HELZ: variants seen among roughly 807,000 people sequenced by gnomAD.
HELZ encodes the protein helicase with zinc finger, also known as ATP-dependent RNA helicase with zinc finger domain.
A neutral mutation model predicts 218.2 loss-of-function variants in HELZ; 23 were observed. The observed-to-expected ratio is 0.11, with a 90% CI of 0.08 to 0.15. The LOEUF is 0.15. Ranked by LOEUF, HELZ falls within the 10% of genes least tolerant of loss-of-function variation. HELZ has a pLI of 1.00. For missense variants in HELZ, 1,813 were observed against 2,353.7 expected, an observed-to-expected ratio of 0.77 and a Z score of 4.75; for synonymous variants, 814 against 829.4, an observed-to-expected ratio of 0.98 and a Z score of 0.32.
At chr17:67,221,844 T>G (rs55680279) in intron 3 of HELZ, among the ~76,000 whole-genome samples, 5,525 of 138,018 alleles carry the variant, frequency 0.04, 330 homozygotes, top group African/African-American at 0.14. Context: ...TTTTTTGTGT[T>G]TTTTTTTTTT....
intron 17 of HELZ, among the ~76,000 whole-genome samples, chr17:67,152,913 C>T (rs2038731565): frequency 6.6e-6 from 1 of 151,878 alleles, no homozygotes; most frequent in Non-Finnish European, 1.5e-5. Flanking sequence ...CAAAATGAAG[C>T]AAGTGTTTCA....
At chr17:67,163,459 C>T (rs962123666) in intron 15 of HELZ, among the ~76,000 whole-genome samples, 8 of 151,928 alleles carry the variant, frequency 5.3e-5, no homozygotes, top group Non-Finnish European at 8.8e-5. Context: ...AGTGCAGTGG[C>T]GCGATCTCGG....
chr17:67,109,290 G>A lies in HELZ; in HGVS notation c.4315C>T (p.Arg1439Trp), dbSNP rs769150485. The A allele has an allele frequency of 1.5e-5, 24 of 1,614,004 alleles. No homozygotes were observed. Among genetic ancestry groups the A allele is most frequent in the African/African-American group, 2.7e-5 (2 of 74,902 alleles). Reference protein sequence around the residue: ...NAFFNSAVAHRPQSPPAEAVI... With the variant: ...NAFFNSAVAHWPQSPPAEAVI... The stretch of plus-strand genomic sequence containing the variant: ...GCTTCTGCAGGAGGAGACTGTGGCC[G>A]ATGAGCAACTGCACTATTAAAAAAA... The change falls in exon 29 of 33, where the codon CGG (arginine) becomes TGG (tryptophan). Residue 1439 changes from arginine (R) to tryptophan (W), a missense_variant. This residue lies in a region of HELZ where 938 missense variants were observed against 1,027.5 expected (regional missense o/e 0.91). Coordinates refer to ENST00000358691, the MANE Select transcript of HELZ (RefSeq NM_014877.4).
chr17:67,141,434 T>A (rs1237205146), intron 21 of HELZ, among the ~76,000 whole-genome samples: 1 of 151,626 alleles, frequency 6.6e-6, no homozygotes, highest in Non-Finnish European at 1.5e-5. Context: ...AACATAAAAT[T>A]ATATAAAGTA....
At chr17:67,135,854 A>G in intron 23 of HELZ, 116 bp downstream of exon 23, 2 of 749,908 alleles carry the variant, frequency 2.7e-6, no homozygotes. Flanking sequence ...ACTGGATATC[A>G]GGCTACAATA....
chr17:67,167,394 C>T, intron 14 of HELZ, 69 bp downstream of exon 14: 1 of 1,185,016 alleles, frequency 8.4e-7, no homozygotes, highest in African/African-American at 1.5e-5. Context: ...AAAACTAAAC[C>T]AGAGGAAGAC....
At chr17:67,215,258 A>T (rs1390434468) in intron 5 of HELZ, among the ~76,000 whole-genome samples, 1 of 152,090 alleles carries the variant, frequency 6.6e-6, no homozygotes, top group Non-Finnish European at 1.5e-5. Context: ...GGACAGGCCC[A>T]TCCTTTCAAT....
chr17:67,182,965 A>G (rs748804965), intron 12 of HELZ, among the ~76,000 whole-genome samples: 4 of 152,224 alleles, frequency 2.6e-5, no homozygotes, highest in Non-Finnish European at 5.9e-5. Context: ...CGAGTGTTCT[A>G]AGTACCCAGC....
Position 67,078,366 on chromosome 17 carries a change from C to G in HELZ, c.5715G>C (p.Lys1905Asn). The G allele has an allele frequency of 6.2e-7, 1 of 1,612,196 alleles. No homozygotes were observed. The highest frequency in any genetic ancestry group is 8.5e-7 in the Non-Finnish European group (1 of 1,179,424). Residue 1905 changes from lysine to asparagine, a missense_variant, in exon 33 of 33, where the codon AAG becomes AAC. This residue lies in a region of HELZ where 938 missense variants were observed against 1,027.5 expected (regional missense o/e 0.91). Transcript: ENST00000358691. ...TGGCCTGCTCAGGAGGGGGCCTGGG[C>G]TTTGGAGGGGCCCGCAGAGCGCTGG... is the stretch of plus-strand genomic sequence containing the variant. The part of the protein sequence containing the change: ...SYASALRAPP[K>N]PRPPPEQAKK...
chr17:67,169,286 G>A (rs1295310438), intron 13 of HELZ, among the ~76,000 whole-genome samples: 1 of 152,100 alleles, frequency 6.6e-6, no homozygotes, highest in Non-Finnish European at 1.5e-5. Context: ...CCTGAGACTG[G>A]ATAATTTATA....
chr17:67,188,128 C>T lies in HELZ; in HGVS notation c.1162+191G>A, dbSNP rs2039806095. 7.5e-6 allele frequency: 4 copies of T among 529,866 alleles called. No individual in the cohort carries two copies. The highest frequency in any genetic ancestry group is 1.3e-5 in the Non-Finnish European group (4 of 306,812). 32.8% of individuals were successfully genotyped at this position (529,866 alleles called of 1,614,324 possible). ...TCAAAGTTCAAGCTTTACCTGGTGGCTCTGTGAAGAAATCAGGGCACAGTG... is the reference window on the plus strand; with the variant it reads ...TCAAAGTTCAAGCTTTACCTGGTGGTTCTGTGAAGAAATCAGGGCACAGTG... On this transcript the variant is annotated intron_variant, in intron 12 of 32. Coordinates refer to ENST00000358691, the MANE Select transcript of HELZ (RefSeq NM_014877.4). This position sits in a 1 kb window ranked among gnomAD's most constrained non-coding sequence, Gnocchi z 4.1.
At chr17:67,202,018 T>G (rs2040181927) in intron 6 of HELZ, among the ~76,000 whole-genome samples, 1 of 152,078 alleles carries the variant, frequency 6.6e-6, no homozygotes, top group Non-Finnish European at 1.5e-5. Flanking sequence ...TTCCCTAACT[T>G]CTTTTTTTTT....
intron 26 of HELZ, among the ~76,000 whole-genome samples, chr17:67,122,146 T>C (rs1371637172): frequency 6.6e-6 from 1 of 152,220 alleles, no homozygotes; most frequent in African/African-American, 2.4e-5. Context: ...CTCATGCCTG[T>C]AATCCCAGTG....
At position 67,190,603 on chromosome 17, in the gene HELZ, G is replaced by A. The variant is rs1450404124; in HGVS notation, c.558-248C>T. Among the ~76,000 whole-genome samples the A allele has an allele frequency of 5.9e-5, 9 of 152,290 alleles. No homozygotes were observed. In the East Asian group the frequency reaches 1.7e-3, roughly 29 times the overall value. On this transcript the variant is annotated intron_variant, in intron 9 of 32. Coordinates refer to ENST00000358691, the MANE Select transcript of HELZ (RefSeq NM_014877.4). ...TGGAATTAGGGGATCCTAAGGCATA[G>A]GTATTCACGTCGGCCCTCCAAAAGA...
At chr17:67,143,999 C>T (rs1266123902) in intron 21 of HELZ, among the ~76,000 whole-genome samples, 1 of 152,094 alleles carries the variant, frequency 6.6e-6, no homozygotes, top group Non-Finnish European at 1.5e-5. Context: ...AATGTAAACT[C>T]TTTTCAAATG....
rs1232286132 is a variant in HELZ at position 67,141,481 on chromosome 17, GTATAT to G, written c.2770-3372_2770-3368del. 1.2e-4 allele frequency among the ~76,000 whole-genome samples: 18 copies of G among 151,570 alleles called. No individual in the cohort carries two copies. The East Asian group carries it at 3.3e-3, about 28-fold the overall frequency. ...AATATATTGAGTTTGTTATATATAG[GTATAT>G]TATATATAATAGCACAGGTTGATCT... On this transcript the variant is annotated intron_variant, in intron 21 of 32. Coordinates refer to ENST00000358691, the MANE Select transcript of HELZ (RefSeq NM_014877.4).
chr17:67,192,508 A>C (rs1002948692), intron 9 of HELZ, among the ~76,000 whole-genome samples: 6 of 152,164 alleles, frequency 3.9e-5, no homozygotes, highest in Non-Finnish European at 5.9e-5. Context: ...AATATGTCTT[A>C]ATGGGCCAAA....
intron 17 of HELZ, among the ~76,000 whole-genome samples, chr17:67,159,953 A>G (rs1598343740): frequency 1.3e-5 from 2 of 151,674 alleles, no homozygotes; most frequent in African/African-American, 2.4e-5. Flanking sequence ...GATTTAATTT[A>G]AGTTATCATA....
At position 67,131,714 on chromosome 17, in the gene HELZ, G is replaced by T. The variant is rs571227185; in HGVS notation, c.3183-2859C>A. On this transcript the variant is annotated intron_variant, in intron 23 of 32. Transcript: ENST00000358691. ...AGTTTCCTCATGTGCAAAGTGGGGC[G>T]CCAGCACTACTATTATTATTATTCC... Among the ~76,000 whole-genome samples, 6 of 152,172 alleles carry T rather than the reference G, an allele frequency of 3.9e-5. No individual in the cohort carries two copies. In the South Asian group the frequency reaches 8.3e-4, roughly 21 times the overall value.
Sources: gnomAD v4.1 joint callset for allele counts (sites outside exome capture counted in the v4.1 genomes callset) on GRCh38, gnomAD v4.1.1 for gene constraint, gnomAD v4.1.1 regional missense constraint, Gnocchi (gnomAD v3.1) non-coding constraint, MANE v1.5 for transcripts, NCBI Gene and HGNC (gene_info 2026-07-23, HGNC 2026-07-21) for gene names.